CCSER1: variants seen among roughly 807,000 people sequenced by gnomAD.
CCSER1 encodes serine-rich coiled-coil domain-containing protein 1.
A neutral mutation model predicts 82.0 loss-of-function variants in CCSER1; 41 were observed. The observed-to-expected ratio is 0.50, with a 90% CI of 0.39 to 0.65. The LOEUF (loss-of-function observed/expected upper bound fraction) is 0.65. Ranked by LOEUF, CCSER1 falls within the 30% of genes least tolerant of loss-of-function variation. The pLI is 0.00. For synonymous variants in CCSER1, 414 were observed against 383.9 expected, an observed-to-expected ratio of 1.08 and a Z score of -0.92; for missense variants, 1,119 against 1,064.2, an observed-to-expected ratio of 1.05 and a Z score of -0.72.
intron 9 of CCSER1, among the ~76,000 whole-genome samples, chr4:91,015,732 C>T (rs1205013023): frequency 6.6e-6 from 1 of 151,708 alleles, no homozygotes; most frequent in Non-Finnish European, 1.5e-5. Flanking sequence ...AAATATTAAT[C>T]CTTAATTTTT....
At chr4:91,176,772 C>T (rs1348199690) in intron 10 of CCSER1, among the ~76,000 whole-genome samples, 3 of 152,238 alleles carry the variant, frequency 2.0e-5, no homozygotes, top group African/African-American at 4.8e-5. Context: ...CAAACAGGGA[C>T]AATTTGACTT....
chr4:90,956,308 A>G (rs1733426172), intron 9 of CCSER1, among the ~76,000 whole-genome samples: 1 of 152,160 alleles, frequency 6.6e-6, no homozygotes, highest in African/African-American at 2.4e-5. Flanking sequence ...TTCTGGGACA[A>G]CTTACTTAAC....
At chr4:90,359,673 G>C (rs938611166) in intron 3 of CCSER1, among the ~76,000 whole-genome samples, 3 of 151,818 alleles carry the variant, frequency 2.0e-5, no homozygotes, top group African/African-American at 7.3e-5. Flanking sequence ...GGAGGTGGAG[G>C]TTGCAGTGAG....
intron 1 of CCSER1, among the ~76,000 whole-genome samples, chr4:90,175,017 A>G (rs1368858948): frequency 7.9e-5 from 12 of 151,968 alleles, no homozygotes; most frequent in Admixed American, 7.2e-4. Flanking sequence ...TTTACCCAAG[A>G]TAAGTGAAAG....
At chr4:91,046,208 A>T (rs62311028) in intron 9 of CCSER1, among the ~76,000 whole-genome samples, 55,796 of 151,282 alleles carry the variant, frequency 0.37, 11,486 homozygotes, top group East Asian at 0.63. Flanking sequence ...TTTTTTCAAT[A>T]ACTGTTTGAT....
chr4:91,103,033 T>C (rs1725238112), intron 10 of CCSER1, among the ~76,000 whole-genome samples: 1 of 152,244 alleles, frequency 6.6e-6, no homozygotes, highest in African/African-American at 2.4e-5. Context: ...CTATCTACAC[T>C]TTTTAATTTT....
At chr4:90,754,097 C>CTTA (rs1201368148) in intron 7 of CCSER1, among the ~76,000 whole-genome samples, 1 of 152,086 alleles carries the variant, frequency 6.6e-6, no homozygotes, top group African/African-American at 2.4e-5. Context: ...CTTCATGGCA[C>CTTA]TTATTATTTT....
intron 10 of CCSER1, among the ~76,000 whole-genome samples, chr4:91,551,951 G>A (rs933535169): frequency 4.6e-5 from 7 of 151,558 alleles, no homozygotes; most frequent in Non-Finnish European, 8.8e-5. Context: ...AAAAGGGAGG[G>A]GAAAAATGCT....
intron 6 of CCSER1, among the ~76,000 whole-genome samples, chr4:90,709,946 G>GTTTTTTTT (rs200510091): frequency 7.4e-6 from 1 of 134,972 alleles, no homozygotes; most frequent in Admixed American, 7.5e-5. Context: ...GCCAGCATCT[G>GTTTTTTTT]TTTTTTTTTT....
chr4:90,617,721 A>G (rs1721550622), intron 5 of CCSER1, among the ~76,000 whole-genome samples: 1 of 152,156 alleles, frequency 6.6e-6, no homozygotes, highest in South Asian at 2.1e-4. Flanking sequence ...CTGATGAATA[A>G]TGGAAAGTAA....
At chr4:90,393,812 C>A (rs1293906115) in intron 3 of CCSER1, among the ~76,000 whole-genome samples, 6 of 139,438 alleles carry the variant, frequency 4.3e-5, no homozygotes, top group Non-Finnish European at 9.1e-5. Context: ...GACCTTGCTC[C>A]ATCGCCCATG....
chr4:90,257,140 T>C (rs188041402), intron 1 of CCSER1, among the ~76,000 whole-genome samples: 171 of 151,928 alleles, frequency 1.1e-3, no homozygotes, highest in African/African-American at 3.9e-3. Flanking sequence ...TATTTGCAAA[T>C]TAACAGTATG....
At chr4:90,704,927 T>C (rs80326226) in intron 6 of CCSER1, among the ~76,000 whole-genome samples, 9,354 of 152,284 alleles carry the variant, frequency 0.061, 723 homozygotes, top group African/African-American at 0.18. Flanking sequence ...AACTTCCTTC[T>C]GTAGCTTGGA....
At chr4:90,340,105 C>G (rs1388026637) in intron 3 of CCSER1, among the ~76,000 whole-genome samples, 2 of 152,040 alleles carry the variant, frequency 1.3e-5, no homozygotes, top group Non-Finnish European at 1.5e-5. Flanking sequence ...ATATTTTCCC[C>G]CCAACACTTC....
chr4:90,239,266 G>T (rs1746397877), intron 1 of CCSER1, among the ~76,000 whole-genome samples: 1 of 152,110 alleles, frequency 6.6e-6, no homozygotes, highest in South Asian at 2.1e-4. Flanking sequence ...GTTAATCTTT[G>T]TAAACAACAC....
At chr4:91,429,051 G>A (rs1266204671) in intron 10 of CCSER1, among the ~76,000 whole-genome samples, 1 of 151,900 alleles carries the variant, frequency 6.6e-6, no homozygotes, top group Non-Finnish European at 1.5e-5. Context: ...AATAAATACA[G>A]CATTGATTTA....
At chr4:91,074,150 C>A (rs937376566) in intron 9 of CCSER1, among the ~76,000 whole-genome samples, 11 of 152,122 alleles carry the variant, frequency 7.2e-5, no homozygotes, top group Admixed American at 5.2e-4. Flanking sequence ...CTAAAGAGAT[C>A]AGTTCAAAAA....
intron 6 of CCSER1, among the ~76,000 whole-genome samples, chr4:90,715,230 C>A (rs969639039): frequency 6.6e-6 from 1 of 151,906 alleles, no homozygotes; most frequent in African/African-American, 2.4e-5. Context: ...TGACAAAGTA[C>A]AGTTCATTAT....
chr4:90,151,845 G>C (rs541756078), intron 1 of CCSER1, among the ~76,000 whole-genome samples: 45 of 152,154 alleles, frequency 3.0e-4, no homozygotes, highest in African/African-American at 1.1e-3. Context: ...AGATGAGTTA[G>C]ACATGGATCT....
Sources: allele counts gnomAD v4.1 joint callset (sites outside exome capture counted in the v4.1 genomes callset), GRCh38; gene constraint gnomAD v4.1.1; transcripts MANE v1.5; gene names NCBI Gene and HGNC (gene_info 2026-07-23, HGNC 2026-07-21).